Variants in CHRM3 observed in about 807,000 individuals in gnomAD.
CHRM3 encodes the protein muscarinic acetylcholine receptor M3.
In CHRM3, 11 loss-of-function variants were observed where a neutral mutation model predicts 41.8. That is an observed-to-expected ratio of 0.26 (90% CI 0.17 to 0.44). The LOEUF (loss-of-function observed/expected upper bound fraction) is 0.44. CHRM3 is among the 20% of genes least tolerant of loss of function. CHRM3 has a pLI of 1.00. For synonymous variants in CHRM3, 297 were observed against 301.4 expected (o/e 0.99, Z 0.15); for missense variants, 571 against 745.4 (o/e 0.77, Z 2.72).
At chr1:239,588,559 G>A (rs974606873) in intron 3 of CHRM3, among the ~76,000 whole-genome samples, 1 of 152,086 alleles carries the variant, frequency 6.6e-6, no homozygotes, top group Non-Finnish European at 1.5e-5. Context: ...TCTTCCTCCT[G>A]TGAACAAAAG....
chr1:239,547,228 G>A (rs1193986954), intron 3 of CHRM3, among the ~76,000 whole-genome samples: 1 of 152,204 alleles, frequency 6.6e-6, no homozygotes, highest in African/African-American at 2.4e-5. Context: ...AGGATCTATA[G>A]TCAGACTGCC....
At chr1:239,677,818 G>A (rs1658162918) in intron 4 of CHRM3, among the ~76,000 whole-genome samples, 2 of 152,148 alleles carry the variant, frequency 1.3e-5, no homozygotes, top group Admixed American at 6.5e-5. Context: ...TAATATAAAT[G>A]TCTGTATGTT....
intron 5 of CHRM3, among the ~76,000 whole-genome samples, chr1:239,743,785 T>A (rs1665083022): frequency 7.0e-6 from 1 of 143,440 alleles, no homozygotes; most frequent in Non-Finnish European, 1.5e-5. Flanking sequence ...TTCTTTTTTT[T>A]TTCTTTTTTT....
At chr1:239,618,906 G>T (rs1245009154) in intron 3 of CHRM3, among the ~76,000 whole-genome samples, 1 of 142,202 alleles carries the variant, frequency 7.0e-6, no homozygotes, top group Non-Finnish European at 1.5e-5. Context: ...TCTTTTTTAT[G>T]ATTTATTTAT....
intron 5 of CHRM3, among the ~76,000 whole-genome samples, chr1:239,814,417 C>T (rs1332565426): frequency 1.3e-5 from 2 of 152,140 alleles, no homozygotes; most frequent in South Asian, 4.1e-4. Context: ...ATCAAAGCTG[C>T]CTGGGGCTGG....
At chr1:239,743,777 C>CTTTTTTTTTTT (rs992688177) in intron 5 of CHRM3, among the ~76,000 whole-genome samples, 3 of 122,518 alleles carry the variant, frequency 2.4e-5, no homozygotes, top group African/African-American at 6.1e-5. Context: ...TTTTCTTTTT[C>CTTTTTTTTTTT]TTTTTTTTTT....
At chr1:239,521,051 T>A (rs1669609440) in intron 2 of CHRM3, among the ~76,000 whole-genome samples, 1 of 152,248 alleles carries the variant, frequency 6.6e-6, no homozygotes, top group Non-Finnish European at 1.5e-5. Context: ...ACAAAGGAAA[T>A]CTTTTAGAAT....
At position 239,566,616 on chromosome 1, in the gene CHRM3, T is replaced by C. The variant is rs1661384527; in HGVS notation, c.-313+20867T>C. Among the ~76,000 whole-genome samples the C allele has an allele frequency of 2.6e-5, 4 of 152,346 alleles. No individual in the cohort carries two copies. The Middle Eastern group carries it at 0.01, about 389-fold the overall frequency. ...AGACCCGGGTTAATTATTTAATTTTTATCTTATATTGCTGTCAAATGCTTT... is the reference window on the plus strand; with the variant it reads ...AGACCCGGGTTAATTATTTAATTTTCATCTTATATTGCTGTCAAATGCTTT... On this transcript the variant is annotated intron_variant, in intron 3 of 6. Transcript: ENST00000676153.
At chr1:239,569,162 C>T (rs1661616576) in intron 3 of CHRM3, among the ~76,000 whole-genome samples, 1 of 152,104 alleles carries the variant, frequency 6.6e-6, no homozygotes, top group Non-Finnish European at 1.5e-5. Context: ...AATATTCCTT[C>T]CCCATGTTAG....
chr1:239,428,980 C>A (rs1399459203), intron 1 of CHRM3, among the ~76,000 whole-genome samples: 1 of 152,110 alleles, frequency 6.6e-6, no homozygotes, highest in African/African-American at 2.4e-5. Context: ...TATGTGGATT[C>A]ATGTTTTTCA....
At chr1:239,526,197 G>T (rs542768919) in intron 2 of CHRM3, among the ~76,000 whole-genome samples, 26 of 152,160 alleles carry the variant, frequency 1.7e-4, no homozygotes, top group African/African-American at 6.3e-4. Flanking sequence ...CTATGTCCTT[G>T]CCTGTCACAG....
chr1:239,576,874 C>T (rs946970690), intron 3 of CHRM3, among the ~76,000 whole-genome samples: 1 of 152,098 alleles, frequency 6.6e-6, no homozygotes, highest in Admixed American at 6.6e-5. Context: ...CAACAGTTCT[C>T]TGAAAAGCAC....
chr1:239,718,643 G>T (rs1250528191), intron 5 of CHRM3, among the ~76,000 whole-genome samples: 1 of 151,796 alleles, frequency 6.6e-6, no homozygotes, highest in Non-Finnish European at 1.5e-5. Flanking sequence ...TAGTTCTAAG[G>T]AGTGTCATAG....
chr1:239,796,261 G>A (rs1669758164), intron 5 of CHRM3, among the ~76,000 whole-genome samples: 1 of 151,878 alleles, frequency 6.6e-6, no homozygotes, highest in South Asian at 2.1e-4. Flanking sequence ...GCTCAAGAAA[G>A]AAAATAGAAT....
At chr1:239,871,568 A>C (rs1273560441) in intron 6 of CHRM3, among the ~76,000 whole-genome samples, 1 of 152,168 alleles carries the variant, frequency 6.6e-6, no homozygotes, top group Non-Finnish European at 1.5e-5. Flanking sequence ...TCTTATGTAC[A>C]GTTTCAATGG....
intron 5 of CHRM3, among the ~76,000 whole-genome samples, chr1:239,777,815 G>A (rs1211220646): frequency 6.6e-6 from 1 of 152,164 alleles, no homozygotes; most frequent in Non-Finnish European, 1.5e-5. Flanking sequence ...AGCCAAAAAT[G>A]TGAATCCTTC....
chr1:239,570,230 C>T (rs1243034107), intron 3 of CHRM3, among the ~76,000 whole-genome samples: 2 of 152,062 alleles, frequency 1.3e-5, no homozygotes, highest in African/African-American at 4.8e-5. Context: ...ATGGCAGTTT[C>T]CCCTGGGCTT....
chr1:239,402,572 T>C (rs1172867653), intron 1 of CHRM3, among the ~76,000 whole-genome samples: 1 of 152,214 alleles, frequency 6.6e-6, no homozygotes, highest in Non-Finnish European at 1.5e-5. Flanking sequence ...CTTGTGGTTC[T>C]TTGGATGTGA....
intron 3 of CHRM3, among the ~76,000 whole-genome samples, chr1:239,550,514 C>G (rs943510903): frequency 6.6e-6 from 1 of 152,064 alleles, no homozygotes; most frequent in Admixed American, 6.5e-5. Context: ...TTAGATTGCA[C>G]AATAAATAAT....
Sources: allele counts gnomAD v4.1 joint callset (sites outside exome capture counted in the v4.1 genomes callset), GRCh38; gene constraint gnomAD v4.1.1; transcripts MANE v1.5; gene names NCBI Gene and HGNC (gene_info 2026-07-23, HGNC 2026-07-21).